MCF2L: variants seen among roughly 807,000 people sequenced by gnomAD.
The protein encoded by MCF2L is guanine nucleotide exchange factor DBS.
In MCF2L, 97 loss-of-function variants were observed where a neutral mutation model predicts 153.4. That is an observed-to-expected ratio of 0.63 (90% CI 0.54 to 0.75). The LOEUF (loss-of-function observed/expected upper bound fraction) is 0.75, where lower values mean the gene tolerates loss of function less well. MCF2L is among the 30% of genes least tolerant of loss of function. The pLI is 0.00. For synonymous variants in MCF2L, 659 were observed against 632.2 expected (o/e 1.04, Z -0.64); for missense variants, 1,347 against 1,495.2 (o/e 0.90, Z 1.64).
In MCF2L at chr13:112,897,981, AGCCCCGGCCCCG is replaced by A. The variant is rs775046468; in HGVS notation, c.-5+3561_-5+3572del. Among the ~76,000 whole-genome samples the A allele has an allele frequency of 1.5e-4, 22 of 149,384 alleles. No homozygotes were observed. In the East Asian group the frequency reaches 2.1e-3, roughly 14 times the overall value. ...GGTGCCATGTGGCCCGTCCAGCCCC[AGCCCCGGCCCCG>A]GCCCCGGCCCTGGGTCATGGCTTTG... On this transcript the variant is annotated intron_variant, in intron 1 of 29. Coordinates refer to the MCF2L transcript ENST00000375608.
At chr13:113,087,615 T>G (rs2034758915) in intron 22 of MCF2L, 92 bp from the exon 23 acceptor site, 2 of 1,220,592 alleles carry the variant, frequency 1.6e-6, no homozygotes, top group South Asian at 2.6e-5. Flanking sequence ...CCCAAAGTAT[T>G]TCCATCATTT....
chr13:112,962,238 C>T (rs866810159), intron 2 of MCF2L, among the ~76,000 whole-genome samples: 1 of 152,202 alleles, frequency 6.6e-6, no homozygotes, highest in Non-Finnish European at 1.5e-5. Context: ...CACATGCACA[C>T]ACACTTGCAT....
At chr13:112,925,121 C>T (rs1228279629) in intron 2 of MCF2L, among the ~76,000 whole-genome samples, 2 of 152,220 alleles carry the variant, frequency 1.3e-5, no homozygotes, top group African/African-American at 2.4e-5. Context: ...ATCCAATAGG[C>T]ATATCCAATA....
At chr13:112,998,120 G>A (rs7993773) in intron 1 of MCF2L, among the ~76,000 whole-genome samples, 3,038 of 152,302 alleles carry the variant, frequency 0.02, 81 homozygotes, top group African/African-American at 0.068. Context: ...CCTGTGTTCC[G>A]AACCCCGTGC....
chr13:112,941,044 C>A lies in MCF2L; in HGVS notation c.169+38673C>A, dbSNP rs946422633. On this transcript the variant is annotated intron_variant, in intron 2 of 29. Transcript: ENST00000375608. The surrounding 1 kb of genome is among the most constrained non-coding windows in gnomAD (Gnocchi z 4.9). ...CATGGGCTCTGGATGTGAAATCCAC[C>A]TAGCAGCCCCGCTGCATCTGGCACC... 1.3e-5 allele frequency among the ~76,000 whole-genome samples: 2 copies of A among 152,200 alleles called. No homozygotes were observed.
At chr13:112,999,531 C>T (rs922256045) in intron 1 of MCF2L, among the ~76,000 whole-genome samples, 4 of 152,210 alleles carry the variant, frequency 2.6e-5, no homozygotes, top group Admixed American at 6.5e-5. Context: ...CCATCTGCAT[C>T]AGCCGCTGTA....
chr13:112,975,466 T>C (rs942564930), intron 1 of MCF2L, among the ~76,000 whole-genome samples: 1 of 152,242 alleles, frequency 6.6e-6, no homozygotes, highest in Non-Finnish European at 1.5e-5. Flanking sequence ...GGAGAGCACC[T>C]ACCTGCTAGG....
At chr13:113,012,206 C>T (rs1475093749) in intron 1 of MCF2L, among the ~76,000 whole-genome samples, 7 of 83,184 alleles carry the variant, frequency 8.4e-5, no homozygotes, top group Admixed American at 2.5e-4. Flanking sequence ...GCGGTGTGGA[C>T]GGTGGACAGG....
At chr13:113,075,612 G>T (rs2033387829) in intron 11 of MCF2L, among the ~76,000 whole-genome samples, 1 of 152,172 alleles carries the variant, frequency 6.6e-6, no homozygotes. Context: ...TGGGATTACA[G>T]GCGTGAGCCA....
At chr13:112,984,419 G>C (rs1294498948) in intron 1 of MCF2L, among the ~76,000 whole-genome samples, 1 of 152,102 alleles carries the variant, frequency 6.6e-6, no homozygotes, top group South Asian at 2.1e-4. Context: ...GGTATTTTTA[G>C]TAGAGATGGA....
At chr13:113,003,991 A>G (rs981379828) in intron 1 of MCF2L, among the ~76,000 whole-genome samples, 9 of 152,204 alleles carry the variant, frequency 5.9e-5, no homozygotes, top group African/African-American at 1.4e-4. Context: ...ACCGTGGTAC[A>G]GTCCAGACTG....
At chr13:112,897,393 A>G (rs532566898) in intron 1 of MCF2L, among the ~76,000 whole-genome samples, 2 of 152,272 alleles carry the variant, frequency 1.3e-5, no homozygotes, top group South Asian at 4.1e-4. Context: ...GTTCACAGGA[A>G]GCCCACTCCT....
chr13:113,011,247 T>G (rs1335370208), intron 1 of MCF2L, among the ~76,000 whole-genome samples: 1 of 152,226 alleles, frequency 6.6e-6, no homozygotes, highest in Non-Finnish European at 1.5e-5. Context: ...TTTATTTGTA[T>G]GAGGGCTTAG....
rs1367525645 is a variant in MCF2L, at chr13:113,070,724, G to A, written c.996+551G>A. Among the ~76,000 whole-genome samples, 2 of 152,220 alleles carry A rather than the reference G, an allele frequency of 1.3e-5. No homozygotes were observed. The highest frequency in any genetic ancestry group is 2.9e-5 in the Non-Finnish European group (2 of 68,040). ...TGAATCCCACAGAATGTCACTCTCGGGATTTGTTTGTTTGCTCAGCACAGC... is the reference window on the plus strand; with the variant it reads ...TGAATCCCACAGAATGTCACTCTCGAGATTTGTTTGTTTGCTCAGCACAGC... On this transcript the variant is annotated intron_variant, in intron 9 of 29. Coordinates refer to ENST00000535094, the MANE Select transcript of MCF2L (RefSeq NM_001112732.3). This position sits in a 1 kb window ranked among gnomAD's most constrained non-coding sequence, Gnocchi z 5.6.
chr13:112,929,710 C>T (rs2081442472), intron 2 of MCF2L, among the ~76,000 whole-genome samples: 2 of 152,238 alleles, frequency 1.3e-5, no homozygotes, highest in African/African-American at 4.8e-5. Context: ...AACCTCCGGC[C>T]TCGGGTTCCT....
At chr13:112,977,682 A>C (rs1372446499) in intron 1 of MCF2L, among the ~76,000 whole-genome samples, 2 of 152,210 alleles carry the variant, frequency 1.3e-5, no homozygotes, top group Admixed American at 1.3e-4. Context: ...GCACAAGGGA[A>C]GGAAAGGCAG....
intron 1 of MCF2L, chr13:112,979,556 G>A (rs114245748): frequency 5.3e-5 from 82 of 1,550,728 alleles, no homozygotes; most frequent in Middle Eastern, 2.2e-4. Context: ...TTTAGCTGTC[G>A]CAGCAGAGAC....
intron 2 of MCF2L, chr13:112,909,339 GTC>G: frequency 1.3e-6 from 1 of 779,250 alleles, no homozygotes; most frequent in Non-Finnish European, 2.4e-6. Context: ...TCACCTCTGT[GTC>G]TACAGACCCG....
intron 2 of MCF2L, among the ~76,000 whole-genome samples, chr13:113,022,526 G>A (rs1233964979): frequency 1.3e-5 from 2 of 152,244 alleles, no homozygotes; most frequent in Admixed American, 1.3e-4. Flanking sequence ...GGTGCTGGAA[G>A]CTTCTGGCCC....
Sources: gnomAD v4.1 joint callset for allele counts (sites outside exome capture counted in the v4.1 genomes callset) on GRCh38, gnomAD v4.1.1 for gene constraint, Gnocchi (gnomAD v3.1) non-coding constraint, MANE v1.5 for transcripts, NCBI Gene and HGNC (gene_info 2026-07-23, HGNC 2026-07-21) for gene names.